The following NAALADL2 variants were observed in gnomAD, a reference collection of about 807,000 sequenced individuals.
The protein encoded by NAALADL2 is N-acetylated alpha-linked acidic dipeptidase like 2, also known as inactive N-acetylated-alpha-linked acidic dipeptidase-like protein 2.
Under a neutral mutation model 87.2 loss-of-function variants are expected in NAALADL2, and 76 were observed. The observed-to-expected ratio is 0.87, with a 90% CI of 0.72 to 1.05. The LOEUF is 1.05. Among genes scored for constraint, NAALADL2 ranks in the 50% least tolerant of loss-of-function variants. The pLI is 0.00. For synonymous variants in NAALADL2, 354 were observed against 331.0 expected (o/e 1.07, Z -0.75); for missense variants, 1,089 against 945.8 (o/e 1.15, Z -1.99).
intron 13 of NAALADL2, among the ~76,000 whole-genome samples, chr3:175,789,217 TGATG>T (rs1479849512): frequency 6.6e-6 from 1 of 152,220 alleles, no homozygotes; most frequent in Non-Finnish European, 1.5e-5. Flanking sequence ...AATAAATACT[TGATG>T]AATGAGCTCT....
chr3:174,709,448 TTTAA>T (rs1460446212), intron 2 of NAALADL2, among the ~76,000 whole-genome samples: 2 of 152,150 alleles, frequency 1.3e-5, no homozygotes, highest in African/African-American at 4.8e-5. Context: ...GACAAATTTC[TTTAA>T]TTAAAGAAGG....
chr3:174,918,980 G>C (rs1473008757), intron 1 of NAALADL2, among the ~76,000 whole-genome samples: 1 of 151,924 alleles, frequency 6.6e-6, no homozygotes, highest in African/African-American at 2.4e-5. Context: ...TGGTTTCTCG[G>C]TGCATATAAA....
intron 3 of NAALADL2, among the ~76,000 whole-genome samples, chr3:174,804,932 G>T (rs917402017): frequency 6.6e-6 from 1 of 152,052 alleles, no homozygotes; most frequent in Non-Finnish European, 1.5e-5. Flanking sequence ...AATAAGAGAG[G>T]TTCAAATTCT....
chr3:174,800,086 A>C (rs1393358604), intron 3 of NAALADL2, among the ~76,000 whole-genome samples: 1 of 152,198 alleles, frequency 6.6e-6, no homozygotes, highest in Non-Finnish European at 1.5e-5. Flanking sequence ...GGGAAACAGC[A>C]TGAAAGTTTG....
intron 2 of NAALADL2, among the ~76,000 whole-genome samples, chr3:174,558,780 A>G (rs1053294108): frequency 2.0e-5 from 3 of 151,966 alleles, no homozygotes; most frequent in African/African-American, 7.2e-5. Flanking sequence ...AGGGTTGGGG[A>G]TTTCTGCTAG....
chr3:175,436,058 A>T (rs1718610205), intron 5 of NAALADL2, among the ~76,000 whole-genome samples: 2 of 131,998 alleles, frequency 1.5e-5, no homozygotes, highest in Non-Finnish European at 3.2e-5. Context: ...TGTCCATGTG[A>T]TCTCATTGTT....
chr3:174,837,913 C>T (rs993382370), intron 3 of NAALADL2, among the ~76,000 whole-genome samples: 2 of 151,506 alleles, frequency 1.3e-5, no homozygotes, highest in Admixed American at 1.3e-4. Flanking sequence ...GGTGCCAATC[C>T]TGTTGACACT....
chr3:174,605,191 T>A (rs2108620310), intron 2 of NAALADL2, among the ~76,000 whole-genome samples: 1 of 152,322 alleles, frequency 6.6e-6, no homozygotes, highest in South Asian at 2.1e-4. Context: ...CGAGCCAAGA[T>A]GGCCGAATAG....
At chr3:174,620,219 A>T (rs1333053106) in intron 2 of NAALADL2, among the ~76,000 whole-genome samples, 5 of 152,028 alleles carry the variant, frequency 3.3e-5, no homozygotes, top group Admixed American at 2.6e-4. Flanking sequence ...GAATATAAGG[A>T]TGAATGAGTC....
intron 9 of NAALADL2, among the ~76,000 whole-genome samples, chr3:175,567,446 A>G (rs6809720): frequency 0.74 from 112,007 of 151,916 alleles, 41,618 homozygotes; most frequent in East Asian, 0.85. Context: ...TAAATTTTAA[A>G]TAAAAAGTAT....
intron 2 of NAALADL2, among the ~76,000 whole-genome samples, chr3:175,231,584 T>C (rs937177608): frequency 1.3e-5 from 2 of 152,084 alleles, no homozygotes; most frequent in Non-Finnish European, 1.5e-5. Context: ...AAACATTCAA[T>C]GTTTTCAGTT....
chr3:174,793,360 C>G (rs1717692644), intron 3 of NAALADL2, among the ~76,000 whole-genome samples: 1 of 152,070 alleles, frequency 6.6e-6, no homozygotes, highest in Non-Finnish European at 1.5e-5. Flanking sequence ...AACCTGAATT[C>G]AGTTACTTCT....
rs528203614 is a variant in NAALADL2, at chr3:174,505,854, CTT to C, written c.-183-44710_-183-44709del. On this transcript the variant is annotated intron_variant, in intron 1 of 3. Coordinates refer to the NAALADL2 transcript ENST00000434257. Reference sequence around the variant, plus strand: ...GAACTTACAAATGGTCTGTAAAAATCTTTTTTATTACACGTAAATAATTTAGA... The same window carrying C: ...GAACTTACAAATGGTCTGTAAAAATCTTTTATTACACGTAAATAATTTAGA... Among the ~76,000 whole-genome samples the C allele has an allele frequency of 7.5e-3, 1,139 of 152,176 alleles. 6 individuals carry two copies. The highest frequency in any genetic ancestry group is 0.012 in the Non-Finnish European group (805 of 67,988).
intron 11 of NAALADL2, among the ~76,000 whole-genome samples, chr3:175,634,050 T>G (rs1728174777): frequency 6.6e-6 from 1 of 151,910 alleles, no homozygotes; most frequent in East Asian, 1.9e-4. Context: ...TTATAGAGTT[T>G]AAATTCTAGC....
intron 2 of NAALADL2, among the ~76,000 whole-genome samples, chr3:174,695,796 T>A (rs1728961851): frequency 6.6e-6 from 1 of 152,052 alleles, no homozygotes; most frequent in Non-Finnish European, 1.5e-5. Flanking sequence ...TAATTTGCAA[T>A]AAAATTTCAG....
intron 1 of NAALADL2, among the ~76,000 whole-genome samples, chr3:174,942,652 C>T (rs1336233870): frequency 7.2e-5 from 11 of 152,152 alleles, no homozygotes; most frequent in Non-Finnish European, 1.6e-4. Context: ...CTTTCTCCCC[C>T]TCCTTTTCAG....
intron 1 of NAALADL2, among the ~76,000 whole-genome samples, chr3:175,082,156 A>C (rs13319632): frequency 0.12 from 18,721 of 152,182 alleles, 1,285 homozygotes; most frequent in Middle Eastern, 0.19. Flanking sequence ...TTGGGGATTC[A>C]TACCCATTTC....
intron 2 of NAALADL2, among the ~76,000 whole-genome samples, chr3:175,135,303 A>T (rs1221582939): frequency 1.3e-5 from 2 of 152,176 alleles, no homozygotes; most frequent in African/African-American, 4.8e-5. Flanking sequence ...GTGCCAAGAA[A>T]AGTGATAATT....
At chr3:175,580,548 TG>T (rs1322613896) in intron 10 of NAALADL2, among the ~76,000 whole-genome samples, 1 of 152,150 alleles carries the variant, frequency 6.6e-6, no homozygotes, top group African/African-American at 2.4e-5. Context: ...GGAAACAAAA[TG>T]GTTACATTTA....
Sources: gnomAD v4.1 joint callset for allele counts (sites outside exome capture counted in the v4.1 genomes callset) on GRCh38, gnomAD v4.1.1 for gene constraint, MANE v1.5 for transcripts, NCBI Gene and HGNC (gene_info 2026-07-23, HGNC 2026-07-21) for gene names.